CLHC1: variants seen among roughly 807,000 people sequenced by gnomAD.
The protein encoded by CLHC1 is clathrin heavy chain linker domain containing 1.
Under a neutral mutation model 69.5 loss-of-function variants are expected in CLHC1, and 72 were observed. The observed-to-expected ratio is 1.04, with a 90% CI of 0.86 to 1.26. The LOEUF (loss-of-function observed/expected upper bound fraction) is 1.26, where lower values mean the gene tolerates loss of function less well. Ranked by LOEUF, CLHC1 falls within the 50% of genes most tolerant of loss-of-function variation. The probability of loss-of-function intolerance (pLI) is 0.00; values close to 1 mark genes in which losing one functional copy is unlikely to be tolerated. For missense variants in CLHC1, 790 were observed against 679.3 expected (o/e 1.16, Z -1.81); for synonymous variants, 223 against 224.3 (o/e 0.99, Z 0.05).
In CLHC1 at chr2:55,184,541, TTC is replaced by T. The variant is rs567619314; in HGVS notation, c.1007-2799_1007-2798del. Among the ~76,000 whole-genome samples, 481 of 152,324 alleles carry T rather than the reference TTC, an allele frequency of 3.2e-3. 1 individual carries two copies. Among genetic ancestry groups the T allele is most frequent in the Non-Finnish European group, 4.2e-3 (287 of 68,020 alleles). On this transcript the variant is annotated intron_variant, in intron 9 of 12. Transcript: ENST00000401408. ...GCCTCCTATCCAACATTTTATAACA[TTC>T]TATCTTCTTCATGTTTTGTGATAAG...
chr2:55,195,765 C>T (rs1671353717), intron 9 of CLHC1, among the ~76,000 whole-genome samples: 1 of 152,192 alleles, frequency 6.6e-6, no homozygotes, highest in Admixed American at 6.5e-5. Context: ...CACCACTGCA[C>T]TCCAGCCTGG....
chr2:55,213,448 A>C (rs1673197222), intron 4 of CLHC1, among the ~76,000 whole-genome samples: 2 of 152,186 alleles, frequency 1.3e-5, no homozygotes, highest in Non-Finnish European at 2.9e-5. Flanking sequence ...CTATCTCAAA[A>C]TCTTTAATCA....
intron 9 of CLHC1, among the ~76,000 whole-genome samples, chr2:55,188,266 T>C (rs1412084849): frequency 6.6e-6 from 1 of 152,042 alleles, no homozygotes; most frequent in Non-Finnish European, 1.5e-5. Flanking sequence ...CAGTGAGCCA[T>C]GTTTGTACCA....
intron 5 of CLHC1, among the ~76,000 whole-genome samples, chr2:55,211,467 A>G (rs1160678850): frequency 3.4e-5 from 5 of 148,490 alleles, no homozygotes; most frequent in Non-Finnish European, 5.9e-5. Context: ...AGGCCACTGC[A>G]CTACAGCCTG....
Position 55,181,831 on chromosome 2 carries a change from G to C in CLHC1, c.1007-87C>G, listed in dbSNP as rs1669969036. The C allele has an allele frequency of 6.9e-6, 7 of 1,012,044 alleles. No homozygotes were observed. In the Middle Eastern group the frequency reaches 1.0e-3, roughly 150 times the overall value. The allele number at this position is 1,012,044 out of a possible 1,614,324, so 62.7% of individuals were successfully genotyped here. A position where few individuals can be genotyped will look rare whatever the true frequency, so the allele number is the denominator to read the frequency against. On this transcript the variant is annotated intron_variant, in intron 9 of 12. Transcript: ENST00000401408. ...CTCATATTACTATTTTTGTGCCTTT[G>C]CTTTTCTAAAACTTTAACAATCTAA...
intron 9 of CLHC1, among the ~76,000 whole-genome samples, chr2:55,197,098 G>C (rs148661106): frequency 3.3e-3 from 510 of 152,266 alleles, no homozygotes; most frequent in African/African-American, 0.012. Flanking sequence ...TATCCGTAGG[G>C]AGAGACTCCT....
At chr2:55,192,167 T>C (rs376162932) in intron 9 of CLHC1, among the ~76,000 whole-genome samples, 1 of 152,182 alleles carries the variant, frequency 6.6e-6, no homozygotes, top group Admixed American at 6.5e-5. Flanking sequence ...TCACCCAGGC[T>C]GGAGTGCAGT....
At chr2:55,181,918 T>C (rs1410913902) in intron 9 of CLHC1, among the ~76,000 whole-genome samples, 174 bp from the exon 10 acceptor site, 1 of 152,130 alleles carries the variant, frequency 6.6e-6, no homozygotes, top group East Asian at 1.9e-4. Context: ...AATGACTAAA[T>C]ATCACGTGCC....
chr2:55,202,080 C>G (rs1186575422), intron 9 of CLHC1, among the ~76,000 whole-genome samples: 1 of 152,064 alleles, frequency 6.6e-6, no homozygotes, highest in African/African-American at 2.4e-5. Flanking sequence ...AAACTGAAAG[C>G]CTTTCCTGTA....
chr2:55,211,237 C>T (rs560333911), intron 5 of CLHC1, among the ~76,000 whole-genome samples: 1 of 152,134 alleles, frequency 6.6e-6, no homozygotes, highest in South Asian at 2.1e-4. Flanking sequence ...TGCAGTGGCT[C>T]ACGCCTGTAA....
rs895792393 is a variant in CLHC1 at position 55,228,183 on chromosome 2, A to C, written c.-234T>G. The stretch of plus-strand genomic sequence containing the variant: ...ACACTGCCTTAGAGACTTCCTGTTT[A>C]TATTCTGTCTCATCTGTTAGGCTGT... On this transcript the variant is annotated 5_prime_UTR_variant, in exon 2 of 13. Transcript: ENST00000401408. The C allele has an allele frequency of 1.1e-4, 16 of 152,354 alleles. No homozygotes were observed. The highest frequency in any genetic ancestry group is 3.6e-4 in the African/African-American group (15 of 41,572). The allele number at this position is 152,354 out of a possible 1,614,324, so 9.4% of individuals were successfully genotyped here.
intron 9 of CLHC1, among the ~76,000 whole-genome samples, chr2:55,203,922 T>C (rs1001538618): frequency 6.6e-6 from 1 of 151,108 alleles, no homozygotes. Flanking sequence ...TAACAAGGAG[T>C]TCATAACCAG....
rs142679490 is a variant in CLHC1 at position 55,195,956 on chromosome 2, T to C, written c.1006+10314A>G. Among the ~76,000 whole-genome samples the C allele has an allele frequency of 5.1e-3, 770 of 152,316 alleles. 8 individuals are homozygous for C. Among genetic ancestry groups the C allele is most frequent in the Non-Finnish European group, 6.0e-3 (405 of 68,018 alleles). The stretch of plus-strand genomic sequence containing the variant: ...CACTGAAGAGGGTAGAAAGACAGTA[T>C]TGAATTGCCAACTCACCACTCCCCC... On this transcript the variant is annotated intron_variant, in intron 9 of 12. Coordinates refer to ENST00000401408, the MANE Select transcript of CLHC1 (RefSeq NM_152385.4).
intron 3 of CLHC1, among the ~76,000 whole-genome samples, chr2:55,220,893 G>A (rs959699843): frequency 6.6e-6 from 1 of 152,066 alleles, no homozygotes; most frequent in African/African-American, 2.4e-5. Flanking sequence ...GATCCTAACA[G>A]CATATAAAAT....
chr2:55,195,681 A>C (rs1171163818), intron 9 of CLHC1, among the ~76,000 whole-genome samples: 1 of 152,158 alleles, frequency 6.6e-6, no homozygotes, highest in South Asian at 2.1e-4. Context: ...AGGCACCTGT[A>C]ATCCCAGCTA....
rs562568271 is a variant in CLHC1 at position 55,198,706 on chromosome 2, A to C, written c.1006+7564T>G. Among the ~76,000 whole-genome samples, 13 of 152,308 alleles carry C rather than the reference A, an allele frequency of 8.5e-5. No individual in the cohort carries two copies. In the South Asian group the frequency reaches 2.7e-3, roughly 32 times the overall value. The stretch of plus-strand genomic sequence containing the variant: ...CAGATTTAACCCAAAGAAGACTCTC[A>C]AGGCATTTAATAATCAAACTCCCAA... On this transcript the variant is annotated intron_variant, in intron 9 of 12. Transcript: ENST00000401408.
intron 9 of CLHC1, among the ~76,000 whole-genome samples, chr2:55,197,631 G>T (rs1050496662): frequency 2.0e-5 from 3 of 152,194 alleles, no homozygotes; most frequent in Non-Finnish European, 4.4e-5. Context: ...AAACCGCAAA[G>T]GTGGTACCTC....
chr2:55,205,423 G>GCA lies in CLHC1; in HGVS notation c.1006+845_1006+846dup, dbSNP rs944290333. ...AATACACACACACACACACACACAC[G>GCA]CACACACACACACACACCACAGAAT... On this transcript the variant is annotated intron_variant, in intron 9 of 12. Transcript: ENST00000401408. Among the ~76,000 whole-genome samples the GCA allele has an allele frequency of 2.1e-3, 156 of 73,218 alleles. 1 individual carries two copies. Among genetic ancestry groups the GCA allele is most frequent in the South Asian group, 0.014 (33 of 2,306 alleles). The allele number at this position is 73,218 out of a possible 152,430, so 48.0% of individuals were successfully genotyped here.
chr2:55,229,224 T>C lies in CLHC1; in HGVS notation c.-255-1020A>G, dbSNP rs148929563. On this transcript the variant is annotated intron_variant, in intron 1 of 12. Transcript: ENST00000401408. ...TATAGTATGACAGATAGGGGTTAAG[T>C]TGTATGAAGAAAAATAAAACAAGGT... 3.8e-3 allele frequency among the ~76,000 whole-genome samples: 567 copies of C among 150,406 alleles called. 2 individuals are homozygous for C. The highest frequency in any genetic ancestry group is 0.031 in the Middle Eastern group (9 of 292).
Sources: allele counts gnomAD v4.1 joint callset (sites outside exome capture counted in the v4.1 genomes callset), GRCh38; gene constraint gnomAD v4.1.1; transcripts MANE v1.5; gene names NCBI Gene and HGNC (gene_info 2026-07-23, HGNC 2026-07-21).